Variants in FAM81A observed in about 807,000 individuals in gnomAD.
FAM81A encodes the protein protein FAM81A.
FAM81A carries 19 observed loss-of-function variants against 46.7 expected under a neutral mutation model. That is an observed-to-expected ratio of 0.41 (90% CI 0.28 to 0.60). FAM81A has a LOEUF of 0.60. Among genes scored for constraint, FAM81A ranks in the 20% least tolerant of loss-of-function variants. The probability of loss-of-function intolerance (pLI) is 0.34; values close to 1 mark genes in which losing one functional copy is unlikely to be tolerated. For synonymous variants in FAM81A, 183 were observed against 152.9 expected (o/e 1.20, Z -1.45); for missense variants, 377 against 453.5 (o/e 0.83, Z 1.53).
chr15:59,466,335 G>A (rs1288205763), intron 3 of FAM81A, among the ~76,000 whole-genome samples: 3 of 152,120 alleles, frequency 2.0e-5, no homozygotes, highest in African/African-American at 4.8e-5. Flanking sequence ...GTGTAAAAGC[G>A]TTCCTATTTC....
intron 1 of FAM81A, among the ~76,000 whole-genome samples, chr15:59,456,530 C>T (rs1390618205): frequency 1.3e-5 from 2 of 152,060 alleles, no homozygotes; most frequent in East Asian, 3.8e-4. Context: ...TCCTGTTTTC[C>T]CTCCCCATGT....
intron 1 of FAM81A, among the ~76,000 whole-genome samples, chr15:59,451,043 G>C (rs1418851792): frequency 1.3e-5 from 2 of 152,196 alleles, no homozygotes; most frequent in African/African-American, 4.8e-5. Context: ...CACCCTATGA[G>C]TCTGTCCACC....
intron 3 of FAM81A, among the ~76,000 whole-genome samples, chr15:59,463,859 T>C (rs1213157290): frequency 1.1e-4 from 17 of 152,152 alleles, no homozygotes; most frequent in Admixed American, 1.0e-3. Flanking sequence ...TGACAGACAA[T>C]AATTATACAT....
chr15:59,502,663 A>G (rs1439685903), intron 4 of FAM81A, among the ~76,000 whole-genome samples: 4 of 151,878 alleles, frequency 2.6e-5, no homozygotes, highest in East Asian at 3.9e-4. Flanking sequence ...ACAGGCGCCT[A>G]CCACCACGCC....
At chr15:59,444,370 T>A (rs2081332668) in intron 1 of FAM81A, 1 of 152,182 alleles carries the variant, frequency 6.6e-6, no homozygotes, top group Non-Finnish European at 1.5e-5. Flanking sequence ...TGAGAAGGCA[T>A]TTTCATGTTG....
chr15:59,503,736 C>A (rs2141804902), intron 4 of FAM81A, among the ~76,000 whole-genome samples: 1 of 152,218 alleles, frequency 6.6e-6, no homozygotes, highest in Non-Finnish European at 1.5e-5. Flanking sequence ...CCACACCCAG[C>A]TAATTTTTGT....
At chr15:59,512,259 A>G (rs1280255985) in intron 6 of FAM81A, among the ~76,000 whole-genome samples, 2 of 151,954 alleles carry the variant, frequency 1.3e-5, no homozygotes. Context: ...CAGGCAGATC[A>G]CTTGAGTTTG....
At chr15:59,410,637 A>C (rs1249425142) in intron 2 of FAM81A, among the ~76,000 whole-genome samples, 1 of 152,268 alleles carries the variant, frequency 6.6e-6, no homozygotes, top group African/African-American at 2.4e-5. Context: ...TTAACCAGAG[A>C]ACAGTCCCAC....
chr15:59,403,469 C>T (rs1001743028), intron 2 of FAM81A, among the ~76,000 whole-genome samples: 1 of 152,164 alleles, frequency 6.6e-6, no homozygotes, highest in Non-Finnish European at 1.5e-5. Context: ...AGAGGGGTCT[C>T]GTCAGAACCC....
In FAM81A at chr15:59,468,104, G is replaced by T. The variant is rs1006864657; in HGVS notation, c.294+7898G>T. On this transcript the variant is annotated intron_variant, in intron 3 of 8. Transcript: ENST00000288228. ...AGCTTTTTGATGTGCTGCTGGATTCGGTTTGCCAGTATTTTATTGAGGATT... is the reference window on the plus strand; with the variant it reads ...AGCTTTTTGATGTGCTGCTGGATTCTGTTTGCCAGTATTTTATTGAGGATT... Among the ~76,000 whole-genome samples, 28 of 152,062 alleles carry T rather than the reference G, an allele frequency of 1.8e-4. 1 individual carries two copies. Among genetic ancestry groups the T allele is most frequent in the Non-Finnish European group, 2.9e-5 (2 of 67,994 alleles).
intron 1 of FAM81A, chr15:59,444,454 A>G (rs939077362): frequency 6.6e-5 from 10 of 152,352 alleles, no homozygotes; most frequent in Non-Finnish European, 1.3e-4. Context: ...GAAAGAGCAT[A>G]TTTGATTTTT....
At chr15:59,416,306 T>A (rs1021247141) in intron 2 of FAM81A, among the ~76,000 whole-genome samples, 1 of 152,250 alleles carries the variant, frequency 6.6e-6, no homozygotes, top group African/African-American at 2.4e-5. Context: ...TGGGAAACCA[T>A]GCACGATAAG....
chr15:59,484,500 C>T (rs1164625118), intron 3 of FAM81A, among the ~76,000 whole-genome samples: 1 of 152,224 alleles, frequency 6.6e-6, no homozygotes, highest in Non-Finnish European at 1.5e-5. Flanking sequence ...CACCACCCCT[C>T]CACCATTCCC....
chr15:59,448,899 A>G (rs1480216812), intron 1 of FAM81A, among the ~76,000 whole-genome samples: 1 of 152,132 alleles, frequency 6.6e-6, no homozygotes, highest in Non-Finnish European at 1.5e-5. Context: ...TCCTGGCCTG[A>G]AATGATCATC....
At chr15:59,416,766 A>G (rs2081148484) in intron 2 of FAM81A, among the ~76,000 whole-genome samples, 1 of 152,200 alleles carries the variant, frequency 6.6e-6, no homozygotes, top group Non-Finnish European at 1.5e-5. Flanking sequence ...TGAAGCAGGT[A>G]TCCCATACCT....
chr15:59,519,158 A>C (rs2082299659), intron 8 of FAM81A, among the ~76,000 whole-genome samples: 1 of 149,176 alleles, frequency 6.7e-6, no homozygotes, highest in Admixed American at 6.7e-5. Context: ...TTTGGCAACC[A>C]CCATTTTATT....
intron 2 of FAM81A, chr15:59,409,099 C>G (rs984125169): frequency 6.6e-6 from 1 of 152,156 alleles, no homozygotes; most frequent in Admixed American, 6.5e-5. Context: ...TCTATCCAGT[C>G]GGATAGCTCC....
intron 4 of FAM81A, among the ~76,000 whole-genome samples, chr15:59,503,455 C>T (rs2082116549): frequency 6.6e-6 from 1 of 151,854 alleles, no homozygotes; most frequent in African/African-American, 2.4e-5. Context: ...TACTATTCTG[C>T]AACATAAGTT....
chr15:59,433,492 A>G (rs1369235034), upstream of FAM81A, among the ~76,000 whole-genome samples: 7 of 152,202 alleles, frequency 4.6e-5, no homozygotes, highest in Non-Finnish European at 8.8e-5. Context: ...CTTCAAAAAC[A>G]TTATTGCGAG....
Sources: allele counts gnomAD v4.1 joint callset (sites outside exome capture counted in the v4.1 genomes callset), GRCh38; gene constraint gnomAD v4.1.1; transcripts MANE v1.5; gene names NCBI Gene and HGNC (gene_info 2026-07-23, HGNC 2026-07-21).